Variants in LRRC4C observed in about 807,000 individuals in gnomAD.
LRRC4C encodes leucine rich repeat containing 4C.
Under a neutral mutation model 33.6 loss-of-function variants are expected in LRRC4C, and 5 were observed. The observed-to-expected ratio is 0.15, with a 90% CI of 0.08 to 0.31. The LOEUF is 0.31. Ranked by LOEUF, LRRC4C falls within the 10% of genes least tolerant of loss-of-function variation. The pLI is 1.00. For missense variants in LRRC4C, 560 were observed against 796.7 expected, an observed-to-expected ratio of 0.70 and a Z score of 3.58; for synonymous variants, 329 against 302.0, an observed-to-expected ratio of 1.09 and a Z score of -0.93.
At chr11:41,405,201 A>G (rs764904147) in intron 1 of LRRC4C, among the ~76,000 whole-genome samples, 1 of 152,146 alleles carries the variant, frequency 6.6e-6, no homozygotes, top group Non-Finnish European at 1.5e-5. Flanking sequence ...AGAAGGTGAC[A>G]TTTAAAATAT....
intron 2 of LRRC4C, among the ~76,000 whole-genome samples, chr11:40,693,500 G>C (rs543302767): frequency 6.6e-6 from 1 of 152,020 alleles, no homozygotes; most frequent in Non-Finnish European, 1.5e-5. Context: ...GGGCTCTGCA[G>C]GGGGTAGGTA....
chr11:40,656,934 A>G (rs1346941346), intron 2 of LRRC4C, among the ~76,000 whole-genome samples: 1 of 152,226 alleles, frequency 6.6e-6, no homozygotes, highest in Non-Finnish European at 1.5e-5. Flanking sequence ...TAAACATTTT[A>G]AGGAATGTTA....
chr11:40,218,231 A>T (rs1864116625), intron 5 of LRRC4C, among the ~76,000 whole-genome samples: 1 of 152,178 alleles, frequency 6.6e-6, no homozygotes, highest in Admixed American at 6.6e-5. Flanking sequence ...TTAATTTTAC[A>T]GAATTATCTG....
Position 40,595,249 on chromosome 11 carries a change from C to CAA in LRRC4C, c.-270+52891_-270+52892dup, listed in dbSNP as rs11418341. ...CATTAGGTATTATCTTAGAGATCTG[C>CAA]AAAAAAAAATCATGATAAATATAAA... On this transcript the variant is annotated intron_variant, in intron 3 of 6. Coordinates refer to ENST00000528697, the MANE Select transcript of LRRC4C (RefSeq NM_001258419.2). Among the ~76,000 whole-genome samples, 42 of 150,412 alleles carry CAA rather than the reference C, an allele frequency of 2.8e-4. 2 individuals are homozygous for CAA. Among genetic ancestry groups the CAA allele is most frequent in the African/African-American group, 8.3e-4 (34 of 41,034 alleles).
chr11:40,686,779 T>C (rs1397049203), intron 2 of LRRC4C, among the ~76,000 whole-genome samples: 1 of 152,224 alleles, frequency 6.6e-6, no homozygotes, highest in African/African-American at 2.4e-5. Context: ...ATTATAACCA[T>C]ATTATAGGGT....
At chr11:41,011,820 T>TCA (rs1214495309) in intron 1 of LRRC4C, among the ~76,000 whole-genome samples, 10 of 141,436 alleles carry the variant, frequency 7.1e-5, no homozygotes, top group African/African-American at 7.7e-5. Context: ...TCATTCTATG[T>TCA]TATATATTAT....
intron 2 of LRRC4C, among the ~76,000 whole-genome samples, chr11:40,840,588 G>A (rs759767938): frequency 2.2e-4 from 34 of 152,212 alleles, no homozygotes; most frequent in South Asian, 8.3e-4. Context: ...ACCTTAATCC[G>A]TTTACCATCT....
At chr11:40,819,162 T>C (rs1765511304) in intron 2 of LRRC4C, among the ~76,000 whole-genome samples, 1 of 152,134 alleles carries the variant, frequency 6.6e-6, no homozygotes, top group African/African-American at 2.4e-5. Flanking sequence ...AATAAAATGA[T>C]TCACAAATAT....
intron 1 of LRRC4C, among the ~76,000 whole-genome samples, chr11:41,376,236 C>T (rs1029351115): frequency 5.3e-5 from 8 of 152,088 alleles, no homozygotes; most frequent in Non-Finnish European, 8.8e-5. Flanking sequence ...CTTTGCCTGG[C>T]CACAAGGGAG....
chr11:40,991,163 A>T (rs1853526904), intron 1 of LRRC4C, among the ~76,000 whole-genome samples: 1 of 150,598 alleles, frequency 6.6e-6, no homozygotes. Context: ...ATTGTGGAAG[A>T]CTTGTATCCA....
At chr11:41,020,640 G>A (rs963557064) in intron 1 of LRRC4C, among the ~76,000 whole-genome samples, 4 of 152,102 alleles carry the variant, frequency 2.6e-5, no homozygotes, top group African/African-American at 9.7e-5. Context: ...CGCCAACACC[G>A]TAATTTCCAA....
chr11:40,591,140 C>T (rs905545401), intron 3 of LRRC4C, among the ~76,000 whole-genome samples: 7 of 152,188 alleles, frequency 4.6e-5, no homozygotes, highest in Admixed American at 1.3e-4. Context: ...ACTCCGTGGG[C>T]ATACGACCCT....
In LRRC4C at chr11:40,685,530, A is replaced by T. The variant is rs182658088; in HGVS notation, c.-406-37252T>A. 2.5e-3 allele frequency among the ~76,000 whole-genome samples: 387 copies of T among 152,096 alleles called. 1 individual carries two copies. The highest frequency in any genetic ancestry group is 8.9e-3 in the African/African-American group (370 of 41,540). Reference sequence around the variant, plus strand: ...AGAAAACAACAAAATTTAAAGTAAGATTTTTATAACTATAAAACACACAGA... The same window carrying T: ...AGAAAACAACAAAATTTAAAGTAAGTTTTTTATAACTATAAAACACACAGA... On this transcript the variant is annotated intron_variant, in intron 2 of 6. Transcript: ENST00000528697.
At chr11:40,657,612 T>C (rs560089648) in intron 2 of LRRC4C, among the ~76,000 whole-genome samples, 1 of 152,330 alleles carries the variant, frequency 6.6e-6, no homozygotes, top group South Asian at 2.1e-4. Flanking sequence ...CTGGAAGGCC[T>C]CTCCCAGATT....
chr11:41,194,355 T>C lies in LRRC4C; in HGVS notation c.-495-260632A>G, dbSNP rs75926173. ...CAAGGGTCAACTATATATGATAATATGAGTATAGAGACATAAAACTCATGA... is the reference window on the plus strand; with the variant it reads ...CAAGGGTCAACTATATATGATAATACGAGTATAGAGACATAAAACTCATGA... On this transcript the variant is annotated intron_variant, in intron 1 of 6. Transcript: ENST00000528697. Among the ~76,000 whole-genome samples the C allele has an allele frequency of 7.8e-3, 1,190 of 152,204 alleles. 8 individuals carry two copies. The highest frequency in any genetic ancestry group is 0.027 in the African/African-American group (1,107 of 41,522).
chr11:40,902,193 A>G (rs1290178844), intron 2 of LRRC4C, among the ~76,000 whole-genome samples: 3 of 152,102 alleles, frequency 2.0e-5, no homozygotes, highest in Admixed American at 6.6e-5. Context: ...ACATTTTTGT[A>G]ATTCTCACAA....
intron 3 of LRRC4C, among the ~76,000 whole-genome samples, chr11:40,429,506 G>A (rs969074650): frequency 1.3e-5 from 2 of 151,486 alleles, no homozygotes; most frequent in East Asian, 1.9e-4. Flanking sequence ...CTAGACTAGT[G>A]TTCATTGACC....
rs566943780 is a variant in LRRC4C at position 40,885,048 on chromosome 11, T to C, written c.-407+48587A>G. 4.6e-5 allele frequency among the ~76,000 whole-genome samples: 7 copies of C among 152,070 alleles called. No homozygotes were observed. The South Asian group carries it at 1.2e-3, about 27-fold the overall frequency. On this transcript the variant is annotated intron_variant, in intron 2 of 6. Transcript: ENST00000528697. ...TGGGAACAATGTACACTATTTGGGT[T>C]CTGGTTACACTAAAAGCCCAAACTT... is the stretch of plus-strand genomic sequence containing the variant.
intron 4 of LRRC4C, among the ~76,000 whole-genome samples, chr11:40,301,090 A>C (rs564340964): frequency 6.6e-6 from 1 of 152,310 alleles, no homozygotes; most frequent in South Asian, 2.1e-4. Context: ...AAGGAAGGGC[A>C]TTGGCGAAGG....
Sources: gnomAD v4.1 joint callset for allele counts (sites outside exome capture counted in the v4.1 genomes callset) on GRCh38, gnomAD v4.1.1 for gene constraint, MANE v1.5 for transcripts, NCBI Gene and HGNC (gene_info 2026-07-23, HGNC 2026-07-21) for gene names.